The following HPCAL1 variants were observed in gnomAD, a reference collection of about 807,000 sequenced individuals.
The protein encoded by HPCAL1 is hippocalcin-like protein 1.
HPCAL1 carries 8 observed loss-of-function variants against 17.1 expected under a neutral mutation model. The ratio of observed to expected loss-of-function variants is 0.47; its 90% confidence interval spans 0.27 to 0.84. HPCAL1 has a LOEUF of 0.84. HPCAL1 is among the 40% of genes least tolerant of loss of function. The probability of loss-of-function intolerance (pLI) is 0.13; values close to 1 mark genes in which losing one functional copy is unlikely to be tolerated. For missense variants in HPCAL1, 165 were observed against 271.1 expected (o/e 0.61, Z 2.75); for synonymous variants, 112 against 111.4 (o/e 1.01, Z -0.03).
rs779224940 is a variant in HPCAL1, at chr2:10,419,932, G to A, written c.175G>A (p.Gly59Ser). ...KKIYANFFPY[G>S]DASKFAEHVF... Reference sequence around the variant, plus strand: ...GATCTACGCCAACTTCTTCCCCTACGGCGACGCTTCCAAGTTCGCCGAGCA... The same window carrying A: ...GATCTACGCCAACTTCTTCCCCTACAGCGACGCTTCCAAGTTCGCCGAGCA... The change falls in exon 3 of 5, where the codon GGC becomes AGC. Residue 59 changes from glycine (G) to serine (S), a missense_variant. Coordinates refer to ENST00000307845, the MANE Select transcript of HPCAL1 (RefSeq NM_002149.4). The surrounding 1 kb of genome is among the most constrained non-coding windows in gnomAD (Gnocchi z 5.0). 2 of 1,613,826 alleles carry A rather than the reference G, an allele frequency of 1.2e-6. No homozygotes were observed. Among genetic ancestry groups the A allele is most frequent in the African/African-American group, 1.3e-5 (1 of 74,926 alleles).
At chr2:10,364,482 C>T (rs1436228484) in intron 1 of HPCAL1, among the ~76,000 whole-genome samples, 1 of 152,200 alleles carries the variant, frequency 6.6e-6, no homozygotes, top group Non-Finnish European at 1.5e-5. Flanking sequence ...CACGAGGAGG[C>T]CGATCGGGTG....
At chr2:10,335,431 C>T (rs998278118) in intron 1 of HPCAL1, among the ~76,000 whole-genome samples, 32 of 152,314 alleles carry the variant, frequency 2.1e-4, no homozygotes, top group Non-Finnish European at 1.8e-4. Context: ...GCTCCCCACT[C>T]CCAGCTGAGC....
At chr2:10,318,020 T>C (rs1437921927) in intron 1 of HPCAL1, among the ~76,000 whole-genome samples, 3 of 152,224 alleles carry the variant, frequency 2.0e-5, no homozygotes, top group Admixed American at 6.5e-5. Flanking sequence ...TTCAGAGGCA[T>C]TTTTCAGAAT....
At chr2:10,423,848 T>A (rs1162488393) in intron 4 of HPCAL1, 1 of 152,538 alleles carries the variant, frequency 6.6e-6, no homozygotes, top group Non-Finnish European at 1.5e-5. Context: ...ATCCCAGCAC[T>A]TTGGGAGGCC....
chr2:10,305,131 C>T (rs1298741976), intron 1 of HPCAL1, among the ~76,000 whole-genome samples: 1 of 151,944 alleles, frequency 6.6e-6, no homozygotes, highest in South Asian at 2.1e-4. Flanking sequence ...TAGAATGCAC[C>T]CTGTTTTCTG....
intron 1 of HPCAL1, among the ~76,000 whole-genome samples, chr2:10,314,301 G>A (rs138553591): frequency 1.7e-3 from 259 of 152,150 alleles, no homozygotes; most frequent in African/African-American, 5.9e-3. Flanking sequence ...CAGGGGTGGG[G>A]GGTGGCAGGA....
chr2:10,404,351 C>T lies in HPCAL1; in HGVS notation c.-25+7431C>T, dbSNP rs570316159. ...AGGATTCCTCCTGGAATGCCCCTCA[C>T]CCCGTCTTTGCTGGGTGAGTGTTTC... is the stretch of plus-strand genomic sequence containing the variant. On this transcript the variant is annotated intron_variant, in intron 2 of 4. Coordinates refer to ENST00000307845, the MANE Select transcript of HPCAL1 (RefSeq NM_002149.4). Among the ~76,000 whole-genome samples the T allele has an allele frequency of 1.1e-4, 17 of 152,348 alleles. No individual in the cohort carries two copies. The East Asian group carries it at 3.3e-3, about 29-fold the overall frequency.
chr2:10,420,104 T>A lies in HPCAL1; in HGVS notation c.347T>A (p.Ile116Asn). The A allele has an allele frequency of 1.9e-6, 3 of 1,612,390 alleles. No homozygotes were observed. Among genetic ancestry groups the A allele is most frequent in the Non-Finnish European group, 2.5e-6 (3 of 1,179,610 alleles). ...TACGACCTGGACGGCAACGGCTACA[T>A]CAGCCGCAGCGAGATGCTGGAGATC... Reference protein sequence around the residue: ...SMYDLDGNGYISRSEMLEIVQ... With the variant: ...SMYDLDGNGYNSRSEMLEIVQ... The change falls in exon 3 of 5, where the codon ATC becomes AAC. Residue 116 changes from isoleucine to asparagine, a missense_variant. Transcript: ENST00000307845.
In HPCAL1 at chr2:10,359,078, C is replaced by T. The variant is rs144710899; in HGVS notation, c.-110-37757C>T. On this transcript the variant is annotated intron_variant, in intron 1 of 4. Coordinates refer to ENST00000307845, the MANE Select transcript of HPCAL1 (RefSeq NM_002149.4). The surrounding 1 kb of genome is among the most constrained non-coding windows in gnomAD (Gnocchi z 4.1). ...CTCCCCTCGAGGTTTGACCCGTCTG[C>T]ATGCTCCCCTAGAGGTTTGAGCAGC... 2.7e-5 allele frequency among the ~76,000 whole-genome samples: 4 copies of T among 149,528 alleles called. No homozygotes were observed. Among genetic ancestry groups the T allele is most frequent in the South Asian group, 2.1e-4 (1 of 4,812 alleles).
intron 1 of HPCAL1, among the ~76,000 whole-genome samples, chr2:10,345,251 C>A (rs1010689220): frequency 4.5e-4 from 69 of 152,272 alleles, no homozygotes; most frequent in African/African-American, 1.6e-3. Flanking sequence ...GTCTTTGGGA[C>A]AGACTAGAGG....
chr2:10,341,192 T>TG (rs1665053141), intron 1 of HPCAL1, among the ~76,000 whole-genome samples: 1 of 151,962 alleles, frequency 6.6e-6, no homozygotes, highest in Non-Finnish European at 1.5e-5. Context: ...GCTGGGGTGC[T>TG]GGGGTGCCTG....
At chr2:10,361,988 A>T (rs1352856547) in intron 1 of HPCAL1, among the ~76,000 whole-genome samples, 4 of 152,236 alleles carry the variant, frequency 2.6e-5, no homozygotes, top group African/African-American at 9.6e-5. Context: ...GATTACAGGC[A>T]TGAGCTGCCA....
At chr2:10,319,239 C>G (rs540106005) in intron 1 of HPCAL1, among the ~76,000 whole-genome samples, 1 of 152,316 alleles carries the variant, frequency 6.6e-6, no homozygotes, top group East Asian at 1.9e-4. Flanking sequence ...ATCCCCCAGT[C>G]TGGAGTCAAC....
chr2:10,412,367 A>C (rs778727664), intron 2 of HPCAL1, among the ~76,000 whole-genome samples: 2 of 152,224 alleles, frequency 1.3e-5, no homozygotes, highest in Non-Finnish European at 2.9e-5. Context: ...CATTGACTGC[A>C]GGCTGTGGTT....
At chr2:10,347,546 C>T (rs908281244) in intron 1 of HPCAL1, among the ~76,000 whole-genome samples, 4 of 152,170 alleles carry the variant, frequency 2.6e-5, no homozygotes, top group African/African-American at 9.7e-5. Context: ...CCTCCTGCCA[C>T]CCTGGGGTCC....
chr2:10,422,893 C>T (rs1189906297), intron 3 of HPCAL1, 90 bp from the exon 4 acceptor site: 1 of 880,396 alleles, frequency 1.1e-6, no homozygotes, highest in Admixed American at 2.1e-5. Context: ...CCTCTCCGAG[C>T]CTTGTTGTGG....
intron 1 of HPCAL1, among the ~76,000 whole-genome samples, chr2:10,337,259 C>T (rs1664779495): frequency 6.6e-6 from 1 of 152,134 alleles, no homozygotes. Flanking sequence ...GAGCAGTTGC[C>T]TCCCCCTCCT....
At chr2:10,337,397 A>G (rs951405028) in intron 1 of HPCAL1, among the ~76,000 whole-genome samples, 4 of 152,204 alleles carry the variant, frequency 2.6e-5, no homozygotes, top group African/African-American at 9.7e-5. Flanking sequence ...TTTGCTGTGA[A>G]TTATAGGTAA....
chr2:10,374,270 G>T (rs536932296), intron 1 of HPCAL1, among the ~76,000 whole-genome samples: 1 of 150,270 alleles, frequency 6.7e-6, no homozygotes, highest in South Asian at 2.1e-4. Flanking sequence ...TTATAAGAGT[G>T]ATGTAAGAAC....
Sources: allele counts gnomAD v4.1 joint callset (sites outside exome capture counted in the v4.1 genomes callset), GRCh38; gene constraint gnomAD v4.1.1; non-coding constraint Gnocchi (gnomAD v3.1); transcripts MANE v1.5; gene names NCBI Gene and HGNC (gene_info 2026-07-23, HGNC 2026-07-21).